The following DPP6 variants were observed in gnomAD, a reference collection of about 807,000 sequenced individuals.
DPP6 encodes the protein A-type potassium channel modulatory protein DPP6.
A neutral mutation model predicts 122.6 loss-of-function variants in DPP6; 69 were observed. The observed-to-expected ratio is 0.56, with a 90% CI of 0.46 to 0.69. DPP6 has a LOEUF of 0.69. Among genes scored for constraint, DPP6 ranks in the 30% least tolerant of loss-of-function variants. The pLI is 0.00. For synonymous variants in DPP6, 418 were observed against 433.1 expected (o/e 0.97, Z 0.43); for missense variants, 928 against 1,116.9 (o/e 0.83, Z 2.41).
rs1027336950 is a variant in DPP6, at chr7:154,041,448, C to T, written c.51+153714C>T. 8.5e-5 allele frequency among the ~76,000 whole-genome samples: 13 copies of T among 152,332 alleles called. No homozygotes were observed. The East Asian group carries it at 1.9e-3, about 23-fold the overall frequency. Reference sequence around the variant, plus strand: ...CTCTGTAACAACTGATTGGCCCTCTCGGGAACTCTGTGCTTAAATAAAGCT... The same window carrying T: ...CTCTGTAACAACTGATTGGCCCTCTTGGGAACTCTGTGCTTAAATAAAGCT... On this transcript the variant is annotated intron_variant, in intron 1 of 25. Transcript: ENST00000404039.
At chr7:154,790,438 C>T (rs1407196240) in intron 10 of DPP6, among the ~76,000 whole-genome samples, 1 of 152,084 alleles carries the variant, frequency 6.6e-6, no homozygotes, top group Non-Finnish European at 1.5e-5. Context: ...AGGTGGAGCC[C>T]TTATGGATGC....
chr7:154,235,397 C>T (rs1187832566), intron 1 of DPP6, among the ~76,000 whole-genome samples: 1 of 148,482 alleles, frequency 6.7e-6, no homozygotes, highest in Non-Finnish European at 1.5e-5. Context: ...TTTACAACCC[C>T]TTTCCACATA....
At chr7:154,156,011 G>A (rs1216352354) in intron 1 of DPP6, among the ~76,000 whole-genome samples, 1 of 152,244 alleles carries the variant, frequency 6.6e-6, no homozygotes, top group South Asian at 2.1e-4. Context: ...TCCAATGCCT[G>A]TGTGTGGCCT....
intron 2 of DPP6, among the ~76,000 whole-genome samples, chr7:154,455,130 C>T (rs1820715918): frequency 6.6e-6 from 1 of 152,202 alleles, no homozygotes; most frequent in African/African-American, 2.4e-5. Flanking sequence ...CACTCGCCCA[C>T]ACGCACAGGA....
intron 1 of DPP6, among the ~76,000 whole-genome samples, chr7:154,108,289 G>A (rs578141060): frequency 1.2e-4 from 18 of 152,236 alleles, no homozygotes; most frequent in African/African-American, 3.4e-4. Flanking sequence ...GTGGCCCACC[G>A]GTCATCTCTG....
intron 7 of DPP6, among the ~76,000 whole-genome samples, chr7:154,673,939 G>C (rs563173090): frequency 6.6e-6 from 1 of 150,760 alleles, no homozygotes; most frequent in Admixed American, 6.6e-5. Context: ...TGAATGTTGC[G>C]ATCTCTGCTC....
At chr7:154,784,628 A>C (rs1009953373) in intron 10 of DPP6, among the ~76,000 whole-genome samples, 2 of 152,162 alleles carry the variant, frequency 1.3e-5, no homozygotes, top group South Asian at 2.1e-4. Flanking sequence ...AATATACGTG[A>C]GACCCTTACC....
At chr7:154,010,131 C>A (rs551635629) in intron 1 of DPP6, among the ~76,000 whole-genome samples, 15 of 152,090 alleles carry the variant, frequency 9.9e-5, no homozygotes, top group Admixed American at 2.0e-4. Flanking sequence ...GAGGCCCATC[C>A]GACTTAGCTT....
intron 2 of DPP6, among the ~76,000 whole-genome samples, chr7:154,458,809 G>A (rs750003052): frequency 6.6e-5 from 10 of 152,204 alleles, no homozygotes; most frequent in African/African-American, 9.7e-5. Flanking sequence ...ACTGTGCCAC[G>A]CACTGCCCTG....
At chr7:154,889,997 T>C (rs1355383557) in intron 25 of DPP6, 6 of 162,646 alleles carry the variant, frequency 3.7e-5, no homozygotes, top group Admixed American at 2.4e-4. Flanking sequence ...GGGCCATCTG[T>C]AGCTAGGCAG....
chr7:154,391,062 A>G (rs1012820594), intron 1 of DPP6, among the ~76,000 whole-genome samples: 11 of 152,184 alleles, frequency 7.2e-5, no homozygotes, highest in Non-Finnish European at 1.5e-4. Context: ...GGTGATGTGC[A>G]TAAAGCTGTC....
intron 1 of DPP6, among the ~76,000 whole-genome samples, chr7:154,056,729 A>G (rs560015071): frequency 2.0e-5 from 3 of 152,328 alleles, no homozygotes; most frequent in Non-Finnish European, 4.4e-5. Flanking sequence ...GTCTTCGGCA[A>G]CCAACCCATT....
At chr7:154,037,127 T>C (rs1799574993) in intron 1 of DPP6, among the ~76,000 whole-genome samples, 1 of 152,184 alleles carries the variant, frequency 6.6e-6, no homozygotes, top group Non-Finnish European at 1.5e-5. Flanking sequence ...GAAAGTCATG[T>C]TAATTATAAA....
chr7:153,832,336 C>T, the DPP6 span, among the ~76,000 whole-genome samples: 145 of 152,312 alleles, frequency 9.5e-4, no homozygotes, highest in African/African-American at 3.2e-3. Flanking sequence ...TCTCCAGCCA[C>T]GAGGGGGCTC....
chr7:153,867,492 A>G, the DPP6 span, among the ~76,000 whole-genome samples: 1 of 152,194 alleles, frequency 6.6e-6, no homozygotes, highest in Non-Finnish European at 1.5e-5. Context: ...ATATTTGCAC[A>G]TTGATTTTGT....
At chr7:154,306,435 G>A (rs1806356306) in intron 1 of DPP6, among the ~76,000 whole-genome samples, 3 of 152,238 alleles carry the variant, frequency 2.0e-5, no homozygotes, top group African/African-American at 7.2e-5. Context: ...TCACAAAGCA[G>A]TTTGCTCAAG....
chr7:154,091,514 G>T (rs1295432500), intron 1 of DPP6, among the ~76,000 whole-genome samples: 10 of 152,170 alleles, frequency 6.6e-5, no homozygotes, highest in African/African-American at 2.2e-4. Flanking sequence ...TTTGTAGGCA[G>T]CAGAGAGCCT....
At chr7:154,362,874 C>G (rs1243394425) in intron 1 of DPP6, among the ~76,000 whole-genome samples, 1 of 152,224 alleles carries the variant, frequency 6.6e-6, no homozygotes, top group Non-Finnish European at 1.5e-5. Context: ...TCCACTACAT[C>G]AGCATCAACT....
intron 7 of DPP6, among the ~76,000 whole-genome samples, chr7:154,695,290 A>G (rs1383062452): frequency 6.6e-6 from 1 of 152,194 alleles, no homozygotes; most frequent in Non-Finnish European, 1.5e-5. Flanking sequence ...GAACTAGGTC[A>G]GCAACCAAAA....
Sources: allele counts gnomAD v4.1 joint callset (sites outside exome capture counted in the v4.1 genomes callset), GRCh38; gene constraint gnomAD v4.1.1; transcripts MANE v1.5; gene names NCBI Gene and HGNC (gene_info 2026-07-23, HGNC 2026-07-21).